TMEM220: variants seen among roughly 807,000 people sequenced by gnomAD.
TMEM220 encodes transmembrane protein 220.
Under a neutral mutation model 21.7 loss-of-function variants are expected in TMEM220, and 21 were observed. That is an observed-to-expected ratio of 0.97 (90% CI 0.69 to 1.39). The LOEUF is 1.39. Among genes scored for constraint, TMEM220 ranks in the 40% most tolerant of loss-of-function variants. The pLI is 0.00. For synonymous variants in TMEM220, 80 were observed against 73.6 expected (o/e 1.09, Z -0.45); for missense variants, 191 against 201.9 (o/e 0.95, Z 0.33).
Position 10,714,018 on chromosome 17 carries a change from T to C in TMEM220, c.*1435A>G, listed in dbSNP as rs2074877421. 6.6e-6 allele frequency: 1 copy of C among 152,190 alleles called. No homozygotes were observed. Among genetic ancestry groups the C allele is most frequent in the Admixed American group, 6.5e-5 (1 of 15,272 alleles). 9.4% of individuals were successfully genotyped at this position (152,190 alleles called of 1,614,324 possible). On this transcript the variant is annotated 3_prime_UTR_variant, in exon 6 of 6. Transcript: ENST00000341871. ...CTTGTGTATGTAAAATGTTGCCATC[T>C]AGATACTTAAATACAGGACTGTCCA...
chr17:10,719,622 A>G (rs1000787964), intron 5 of TMEM220, among the ~76,000 whole-genome samples: 7 of 152,244 alleles, frequency 4.6e-5, no homozygotes, highest in Non-Finnish European at 8.8e-5. Context: ...GGAACCATAC[A>G]GGTATTAGAA....
chr17:10,720,565 CAG>C (rs2074975922), intron 5 of TMEM220, among the ~76,000 whole-genome samples: 1 of 152,122 alleles, frequency 6.6e-6, no homozygotes, highest in Admixed American at 6.5e-5. Context: ...GCTATAGGGT[CAG>C]GGGGCTGGAG....
chr17:10,727,993 T>G (rs1375392897), intron 2 of TMEM220, among the ~76,000 whole-genome samples: 1 of 152,070 alleles, frequency 6.6e-6, no homozygotes, highest in Admixed American at 6.5e-5. Context: ...AAACCCTGTC[T>G]CTACTAAAAA....
chr17:10,717,377 T>G (rs2074934358), intron 5 of TMEM220, among the ~76,000 whole-genome samples: 1 of 152,236 alleles, frequency 6.6e-6, no homozygotes, highest in African/African-American at 2.4e-5. Flanking sequence ...GCTTTTAACA[T>G]AAATGGATGC....
intron 5 of TMEM220, chr17:10,716,286 T>C (rs879081859): frequency 1.5e-6 from 1 of 673,914 alleles, no homozygotes; most frequent in Non-Finnish European, 2.8e-6. Flanking sequence ...GAGGAGGCCA[T>C]AACGCATCAT....
Position 10,726,224 on chromosome 17 carries a change from C to T in TMEM220, c.143G>A (p.Gly48Glu), listed in dbSNP as rs1474627365. The T allele has an allele frequency of 6.2e-7, 1 of 1,614,008 alleles. No individual in the cohort carries two copies. Among genetic ancestry groups the T allele is most frequent in the East Asian group, 2.2e-5 (1 of 44,870 alleles). The change falls in exon 3 of 6, where the codon GGA becomes GAA. Residue 48 changes from glycine to glutamate, a missense_variant. By Grantham distance (98) the Gly-to-Glu change is moderately conservative (BLOSUM62 -2). Transcript: ENST00000341871. ...TATACCTGTGACTTCAGGGTTAAGT[C>T]CAACAAGCAGGGTCAGTACTGCAGG... ...TIPAVLTLLVGLNPEVTGNVI... is the reference protein window; with the variant it reads ...TIPAVLTLLVELNPEVTGNVI...
At position 10,715,165 on chromosome 17, in the gene TMEM220, CAT is replaced by C. The variant is rs1349631335; in HGVS notation, c.*286_*287del. The C allele has an allele frequency of 4.2e-6, 1 of 235,586 alleles. No individual in the cohort carries two copies. Among genetic ancestry groups the C allele is most frequent in the African/African-American group, 2.3e-5 (1 of 43,094 alleles). 14.6% of individuals were successfully genotyped at this position (235,586 alleles called of 1,614,324 possible). A position where few individuals can be genotyped will look rare whatever the true frequency, so the allele number is the denominator to read the frequency against. On this transcript the variant is annotated 3_prime_UTR_variant, in exon 6 of 6. Coordinates refer to ENST00000341871, the MANE Select transcript of TMEM220 (RefSeq NM_001004313.3). ...GAGGTTTATATATTTGCCCAAATTA[CAT>C]AGTTACAAAGTTAAGTTAGAACTCG...
At chr17:10,724,718 C>T (rs554302183) in intron 4 of TMEM220, among the ~76,000 whole-genome samples, 6 of 152,180 alleles carry the variant, frequency 3.9e-5, no homozygotes, top group Admixed American at 3.3e-4. Context: ...TGTATCATAC[C>T]GTTGCTAGTT....
At position 10,729,903 on chromosome 17, in the gene TMEM220, G is replaced by A. The variant is rs149358998; in HGVS notation, c.-52C>T. On this transcript the variant is annotated 5_prime_UTR_variant, in exon 1 of 6. Coordinates refer to ENST00000341871, the MANE Select transcript of TMEM220 (RefSeq NM_001004313.3). Reference sequence around the variant, plus strand: ...TGAGTCCTGCCACGTGCGGGGCGGTGAGTCCTGCCACGTACGGTCCGCCTT... The same window carrying A: ...TGAGTCCTGCCACGTGCGGGGCGGTAAGTCCTGCCACGTACGGTCCGCCTT... The A allele has an allele frequency of 7.2e-3, 9,270 of 1,280,416 alleles. 43 individuals are homozygous for A. Among genetic ancestry groups the A allele is most frequent in the Non-Finnish European group, 8.6e-3 (8,653 of 1,011,542 alleles). 79.3% of individuals were successfully genotyped at this position (1,280,416 alleles called of 1,614,324 possible).
intron 1 of TMEM220, 40 bp from the exon 2 acceptor site, chr17:10,729,100 T>G (rs769934356): frequency 6.2e-7 from 1 of 1,612,224 alleles, no homozygotes; most frequent in East Asian, 2.2e-5. Flanking sequence ...AGACATCCTG[T>G]GCTGTTCCAT....
chr17:10,716,387 C>T (rs1051269793), intron 5 of TMEM220: 3 of 642,702 alleles, frequency 4.7e-6, no homozygotes, highest in African/African-American at 3.6e-5. Context: ...ATCATGACAT[C>T]ATTCTTGTAA....
In TMEM220 at chr17:10,729,945, G is replaced by A. The variant is rs1325022310; in HGVS notation, c.-94C>T. The A allele has an allele frequency of 1.6e-6, 2 of 1,234,178 alleles. No homozygotes were observed. Among genetic ancestry groups the A allele is most frequent in the Non-Finnish European group, 2.0e-6 (2 of 988,090 alleles). 76.5% of individuals were successfully genotyped at this position (1,234,178 alleles called of 1,614,324 possible). On this transcript the variant is annotated 5_prime_UTR_variant, in exon 1 of 6. Coordinates refer to ENST00000341871, the MANE Select transcript of TMEM220 (RefSeq NM_001004313.3). ...GTCCGCCTTCCTCCTTGCGCGGAGGGACCGAGACCCCCGCCTCGGTTTCGG... is the reference window on the plus strand; with the variant it reads ...GTCCGCCTTCCTCCTTGCGCGGAGGAACCGAGACCCCCGCCTCGGTTTCGG...
At chr17:10,712,262 C>T (rs930480191), downstream of TMEM220, among the ~76,000 whole-genome samples, 5 of 152,172 alleles carry the variant, frequency 3.3e-5, no homozygotes, top group African/African-American at 7.2e-5. Flanking sequence ...TCTTTACTGT[C>T]GTATCATATT....
chr17:10,711,907 A>G (rs537576589), downstream of TMEM220, among the ~76,000 whole-genome samples: 11 of 152,340 alleles, frequency 7.2e-5, no homozygotes, highest in Non-Finnish European at 1.5e-4. Flanking sequence ...AGGTGTGGAG[A>G]AAGTTTGATT....
At chr17:10,725,183 GAA>G in intron 3 of TMEM220, 49 bp from the exon 4 acceptor site, 2 of 1,468,824 alleles carry the variant, frequency 1.4e-6, no homozygotes, top group Middle Eastern at 1.8e-4. Context: ...ACAGCCCACA[GAA>G]AAAAAAAATG....
intron 2 of TMEM220, among the ~76,000 whole-genome samples, chr17:10,728,635 T>C (rs2075081519): frequency 6.6e-6 from 1 of 152,170 alleles, no homozygotes; most frequent in African/African-American, 2.4e-5. Context: ...TCTAGAAATA[T>C]AAGTCACTGA....
At chr17:10,726,303 G>A (rs765925508) in intron 2 of TMEM220, 39 bp from the exon 3 acceptor site, 1 of 1,482,924 alleles carries the variant, frequency 6.7e-7, no homozygotes, top group Non-Finnish European at 9.4e-7. Context: ...GAGTTAAGAT[G>A]TATGCCCAAT....
intron 5 of TMEM220, among the ~76,000 whole-genome samples, chr17:10,718,111 G>T (rs395281): frequency 3.4e-3 from 521 of 151,588 alleles, no homozygotes; most frequent in African/African-American, 0.012. Flanking sequence ...TGTGAGCCAC[G>T]GCGCCCGGCC....
chr17:10,716,035 C>G lies in TMEM220; in HGVS notation c.348-447G>C, dbSNP rs2074914458. The G allele has an allele frequency of 9.4e-6, 5 of 534,288 alleles. 1 individual carries two copies. The highest frequency in any genetic ancestry group is 7.0e-5 in the South Asian group (4 of 56,826). 33.1% of individuals were successfully genotyped at this position (534,288 alleles called of 1,614,324 possible). On this transcript the variant is annotated intron_variant, in intron 5 of 5. Coordinates refer to ENST00000341871, the MANE Select transcript of TMEM220 (RefSeq NM_001004313.3). Reference sequence around the variant, plus strand: ...TGTTCTTGATAATGGTAATTAAAAACTACTCCCACCCCCCCATGTCCACAT... The same window carrying G: ...TGTTCTTGATAATGGTAATTAAAAAGTACTCCCACCCCCCCATGTCCACAT...
Sources: gnomAD v4.1 joint callset for allele counts (sites outside exome capture counted in the v4.1 genomes callset) on GRCh38, gnomAD v4.1.1 for gene constraint, MANE v1.5 for transcripts, NCBI Gene and HGNC (gene_info 2026-07-23, HGNC 2026-07-21) for gene names.